Variants in ZFYVE9 observed in about 807,000 individuals in gnomAD.
ZFYVE9 encodes the protein zinc finger FYVE domain-containing protein 9.
Under a neutral mutation model 126.7 loss-of-function variants are expected in ZFYVE9, and 43 were observed. The observed-to-expected ratio is 0.34, with a 90% CI of 0.27 to 0.44. The LOEUF is 0.44. ZFYVE9 is among the 20% of genes least tolerant of loss of function. ZFYVE9 has a pLI of 1.00. For synonymous variants in ZFYVE9, 521 were observed against 597.4 expected, an observed-to-expected ratio of 0.87 and a Z score of 1.87; for missense variants, 1,476 against 1,697.0, an observed-to-expected ratio of 0.87 and a Z score of 2.29.
intron 1 of ZFYVE9, among the ~76,000 whole-genome samples, chr1:52,152,748 A>G (rs896649358): frequency 6.6e-6 from 1 of 152,178 alleles, no homozygotes; most frequent in Non-Finnish European, 1.5e-5. Context: ...CAGTTTTCTC[A>G]CCTGTAAAAT....
intron 1 of ZFYVE9, among the ~76,000 whole-genome samples, chr1:52,169,604 A>G (rs913048522): frequency 2.0e-5 from 3 of 152,094 alleles, no homozygotes; most frequent in Non-Finnish European, 4.4e-5. Flanking sequence ...AAATTCAACA[A>G]CCTGGTTAGA....
chr1:52,193,630 C>T (rs555979660), intron 1 of ZFYVE9, among the ~76,000 whole-genome samples: 26 of 140,424 alleles, frequency 1.9e-4, no homozygotes, highest in African/African-American at 6.3e-4. Flanking sequence ...TTGCTTGAAC[C>T]GGGAAGAAGG....
In ZFYVE9 at chr1:52,185,002, CA is replaced by C. The variant is rs1165802990; in HGVS notation, c.-142-31360del. Among the ~76,000 whole-genome samples, 4 of 151,916 alleles carry C rather than the reference CA, an allele frequency of 2.6e-5. No homozygotes were observed. In the East Asian group the frequency reaches 5.8e-4, roughly 22 times the overall value. The stretch of plus-strand genomic sequence containing the variant: ...GTCTCTATCTCTAAGCTAAACAAAA[CA>C]AAAAAAGAATTGATAAAATGTTTTG... On this transcript the variant is annotated intron_variant, in intron 1 of 18. Coordinates refer to ENST00000287727, the MANE Select transcript of ZFYVE9 (RefSeq NM_004799.4).
intron 1 of ZFYVE9, among the ~76,000 whole-genome samples, chr1:52,175,059 G>A (rs1644611467): frequency 6.6e-6 from 1 of 152,060 alleles, no homozygotes; most frequent in African/African-American, 2.4e-5. Context: ...GGTGTTAGCT[G>A]GTTATTTTGC....
chr1:52,301,486 T>C (rs1646035039), intron 12 of ZFYVE9, among the ~76,000 whole-genome samples: 1 of 151,854 alleles, frequency 6.6e-6, no homozygotes, highest in Non-Finnish European at 1.5e-5. Context: ...TTATTTTTTA[T>C]ACAGACAAGG....
At chr1:52,180,581 GAC>G in intron 1 of ZFYVE9, 1 of 612,218 alleles carries the variant, frequency 1.6e-6, no homozygotes, top group Non-Finnish European at 2.9e-6. Flanking sequence ...ACTTTCTTGT[GAC>G]AAATTGTCTG....
chr1:52,150,771 T>TAA (rs796794662), intron 1 of ZFYVE9, among the ~76,000 whole-genome samples: 6 of 135,014 alleles, frequency 4.4e-5, no homozygotes, highest in Admixed American at 3.0e-4. Flanking sequence ...CATACTGTCT[T>TAA]AAAAAAAAAA....
chr1:52,244,540 G>A (rs1008064677), intron 4 of ZFYVE9, among the ~76,000 whole-genome samples: 2 of 152,200 alleles, frequency 1.3e-5, no homozygotes, highest in African/African-American at 4.8e-5. Flanking sequence ...GGGTGAAATA[G>A]GGATAGATGA....
chr1:52,214,260 CT>C (rs1299379012), intron 1 of ZFYVE9, among the ~76,000 whole-genome samples: 1 of 152,062 alleles, frequency 6.6e-6, no homozygotes, highest in Non-Finnish European at 1.5e-5. Flanking sequence ...AACCCTTTCT[CT>C]ACTAAACATA....
intron 4 of ZFYVE9, chr1:52,252,691 T>TTA: frequency 2.5e-6 from 1 of 393,568 alleles, no homozygotes; most frequent in Non-Finnish European, 5.3e-6. Context: ...TCCACATGCC[T>TTA]TATATAAGGG....
At chr1:52,235,594 C>T (rs908636450) in intron 3 of ZFYVE9, among the ~76,000 whole-genome samples, 5 of 152,142 alleles carry the variant, frequency 3.3e-5, no homozygotes, top group African/African-American at 1.2e-4. Flanking sequence ...ATTCTTCACA[C>T]AATCTGAGTT....
chr1:52,337,173 CATGTGACAACT>C (rs1193337304), intron 15 of ZFYVE9, among the ~76,000 whole-genome samples: 2 of 152,128 alleles, frequency 1.3e-5, no homozygotes, highest in Admixed American at 1.3e-4. Flanking sequence ...AATTGCTCAG[CATGTGACAACT>C]TTTACTGTCA....
intron 1 of ZFYVE9, among the ~76,000 whole-genome samples, chr1:52,193,805 C>T (rs530693969): frequency 4.6e-5 from 7 of 151,710 alleles, no homozygotes; most frequent in Non-Finnish European, 7.4e-5. Flanking sequence ...CACGCACGCG[C>T]GCACACACAC....
chr1:52,233,717 A>G (rs1645245537), intron 3 of ZFYVE9, among the ~76,000 whole-genome samples: 1 of 152,208 alleles, frequency 6.6e-6, no homozygotes, highest in African/African-American at 2.4e-5. Context: ...TTACATCACA[A>G]CTGCCTAAGT....
At chr1:52,272,671 A>ACCTTTTTTTTTTTTT (rs1162973754) in intron 7 of ZFYVE9, among the ~76,000 whole-genome samples, 2 of 134,850 alleles carry the variant, frequency 1.5e-5, no homozygotes, top group African/African-American at 3.3e-5. Flanking sequence ...GCTAGAAATA[A>ACCTTTTTTTTTTTTT]TCTTTTTTTT....
chr1:52,202,050 C>T (rs1319887327), intron 1 of ZFYVE9, among the ~76,000 whole-genome samples: 1 of 152,130 alleles, frequency 6.6e-6, no homozygotes, highest in African/African-American at 2.4e-5. Flanking sequence ...TCCCAAAGTG[C>T]TGGGATTACA....
intron 10 of ZFYVE9, among the ~76,000 whole-genome samples, chr1:52,286,969 G>T (rs1049460200): frequency 1.3e-5 from 2 of 152,054 alleles, no homozygotes; most frequent in Non-Finnish European, 2.9e-5. Context: ...CACCCCAACT[G>T]TCTCAATCCT....
chr1:52,303,015 C>T (rs1646050192), intron 12 of ZFYVE9, among the ~76,000 whole-genome samples: 3 of 152,222 alleles, frequency 2.0e-5, no homozygotes, highest in South Asian at 4.1e-4. Context: ...GAAGCTGAGG[C>T]ATGAGACTCG....
At chr1:52,246,896 C>T (rs539254414) in intron 4 of ZFYVE9, among the ~76,000 whole-genome samples, 3 of 151,958 alleles carry the variant, frequency 2.0e-5, no homozygotes, top group South Asian at 2.1e-4. Flanking sequence ...TTAGTAGAGA[C>T]GGGGTTTCAT....
Sources: gnomAD v4.1 joint callset for allele counts (sites outside exome capture counted in the v4.1 genomes callset) on GRCh38, gnomAD v4.1.1 for gene constraint, MANE v1.5 for transcripts, NCBI Gene and HGNC (gene_info 2026-07-23, HGNC 2026-07-21) for gene names.